The following ROBO2 variants were observed in gnomAD, a reference collection of about 807,000 sequenced individuals.
The protein encoded by ROBO2 is roundabout homolog 2.
In ROBO2, 53 loss-of-function variants were observed where a neutral mutation model predicts 160.8. The observed-to-expected ratio is 0.33, with a 90% CI of 0.26 to 0.41. The LOEUF (loss-of-function observed/expected upper bound fraction) is 0.41, where lower values mean the gene tolerates loss of function less well. Ranked by LOEUF, ROBO2 falls within the 10% of genes least tolerant of loss-of-function variation. The pLI, the probability that ROBO2 is intolerant of heterozygous loss-of-function variation, is 1.00. For synonymous variants in ROBO2, 664 were observed against 611.7 expected, an observed-to-expected ratio of 1.09 and a Z score of -1.26; for missense variants, 1,577 against 1,722.4, an observed-to-expected ratio of 0.92 and a Z score of 1.49.
At chr3:77,400,127 A>T (rs1307501209) in intron 2 of ROBO2, among the ~76,000 whole-genome samples, 1 of 152,168 alleles carries the variant, frequency 6.6e-6, no homozygotes, top group East Asian at 1.9e-4. Flanking sequence ...TAGAATTGTC[A>T]CTGATTAACC....
intron 2 of ROBO2, among the ~76,000 whole-genome samples, chr3:76,431,692 T>A (rs570159315): frequency 1.3e-5 from 2 of 152,252 alleles, no homozygotes; most frequent in African/African-American, 4.8e-5. Flanking sequence ...AAATGAGTAT[T>A]TCGTGACACC....
At chr3:76,860,298 C>G (rs553451392) in intron 2 of ROBO2, among the ~76,000 whole-genome samples, 35 of 152,128 alleles carry the variant, frequency 2.3e-4, no homozygotes, top group Non-Finnish European at 4.7e-4. Flanking sequence ...CAATGGCCTT[C>G]TAATTTCAAA....
At chr3:76,767,733 CAT>C (rs1280856930) in intron 2 of ROBO2, among the ~76,000 whole-genome samples, 1 of 151,416 alleles carries the variant, frequency 6.6e-6, no homozygotes, top group Non-Finnish European at 1.5e-5. Flanking sequence ...ATCACATTGA[CAT>C]ATTGTATAGT....
At chr3:76,078,010 C>T (rs1033686289) in intron 2 of ROBO2, among the ~76,000 whole-genome samples, 2 of 152,162 alleles carry the variant, frequency 1.3e-5, no homozygotes, top group Admixed American at 6.5e-5. Flanking sequence ...CCCTGCTTTC[C>T]ACTCCCTCTC....
chr3:76,816,979 C>A (rs1200851103), intron 2 of ROBO2, among the ~76,000 whole-genome samples: 1 of 151,988 alleles, frequency 6.6e-6, no homozygotes, highest in Non-Finnish European at 1.5e-5. Flanking sequence ...GAACAGAAAA[C>A]CAAACGCCGC....
intron 2 of ROBO2, among the ~76,000 whole-genome samples, chr3:77,292,283 C>G (rs2061390034): frequency 6.6e-6 from 1 of 150,496 alleles, no homozygotes; most frequent in Non-Finnish European, 1.5e-5. Context: ...GGCTAGATCA[C>G]CCAGACATAA....
At chr3:76,934,519 G>T (rs1559726683) in intron 2 of ROBO2, among the ~76,000 whole-genome samples, 1 of 151,788 alleles carries the variant, frequency 6.6e-6, no homozygotes, top group Non-Finnish European at 1.5e-5. Flanking sequence ...GAGAGGGCCG[G>T]ATCACGAGGT....
At chr3:77,060,001 C>T (rs1296373098) in intron 1 of ROBO2, among the ~76,000 whole-genome samples, 2 of 152,098 alleles carry the variant, frequency 1.3e-5, no homozygotes, top group East Asian at 3.9e-4. Flanking sequence ...TGCTCCTCAG[C>T]CAAGGTCATC....
intron 2 of ROBO2, among the ~76,000 whole-genome samples, chr3:76,798,322 C>T (rs190311001): frequency 8.1e-5 from 9 of 111,496 alleles, no homozygotes; most frequent in East Asian, 2.9e-4. Context: ...GAAAAAAGAA[C>T]GAATGAACTA....
At chr3:77,413,233 TG>T (rs2076945503) in intron 2 of ROBO2, among the ~76,000 whole-genome samples, 1 of 151,572 alleles carries the variant, frequency 6.6e-6, no homozygotes, top group African/African-American at 2.4e-5. Context: ...CTCTAAGGTT[TG>T]GGGGTAAAAA....
intron 2 of ROBO2, among the ~76,000 whole-genome samples, chr3:76,702,252 T>C (rs192241303): frequency 2.0e-5 from 3 of 152,174 alleles, no homozygotes; most frequent in Admixed American, 6.6e-5. Flanking sequence ...CAGAAGCCAG[T>C]TATGTTTGGA....
chr3:77,104,510 A>G (rs1458193339), intron 2 of ROBO2, among the ~76,000 whole-genome samples: 3 of 152,136 alleles, frequency 2.0e-5, no homozygotes, highest in East Asian at 3.9e-4. Context: ...TTTTTCTGCT[A>G]TGAACAATGT....
intron 2 of ROBO2, among the ~76,000 whole-genome samples, chr3:77,376,541 A>G (rs1231610319): frequency 2.0e-5 from 3 of 152,128 alleles, no homozygotes; most frequent in African/African-American, 7.2e-5. Flanking sequence ...ACAAGGTATC[A>G]TTGAAGAAGT....
intron 2 of ROBO2, among the ~76,000 whole-genome samples, chr3:76,033,293 T>TACAC (rs34043265): frequency 1.6e-4 from 24 of 149,616 alleles, no homozygotes; most frequent in East Asian, 9.8e-4. Context: ...CTGTGACACA[T>TACAC]ACACACACAC....
intron 2 of ROBO2, among the ~76,000 whole-genome samples, chr3:77,289,846 A>G (rs2060959561): frequency 6.6e-6 from 1 of 152,030 alleles, no homozygotes; most frequent in Non-Finnish European, 1.5e-5. Context: ...AGCTGAGGCT[A>G]GGTCACCAAA....
chr3:77,180,457 A>G (rs1235558519), intron 2 of ROBO2, among the ~76,000 whole-genome samples: 1 of 98,592 alleles, frequency 1.0e-5, no homozygotes, highest in Non-Finnish European at 2.2e-5. Flanking sequence ...TTTTTTTGAG[A>G]CAGAGTCTCA....
intron 2 of ROBO2, among the ~76,000 whole-genome samples, chr3:76,781,007 T>G (rs2062607963): frequency 6.6e-6 from 1 of 150,836 alleles, no homozygotes; most frequent in South Asian, 2.1e-4. Context: ...CTTTAGGTAT[T>G]ATGAACATTT....
intron 2 of ROBO2, among the ~76,000 whole-genome samples, chr3:77,124,265 G>A (rs985514934): frequency 4.6e-5 from 7 of 152,098 alleles, no homozygotes; most frequent in African/African-American, 1.7e-4. Flanking sequence ...GATGTCTTTT[G>A]AATGGAACAA....
intron 2 of ROBO2, among the ~76,000 whole-genome samples, chr3:76,615,259 G>A (rs1315446940): frequency 6.6e-6 from 1 of 152,028 alleles, no homozygotes; most frequent in African/African-American, 2.4e-5. Flanking sequence ...AAAATCAGTT[G>A]TATTGTTTGC....
Sources: gnomAD v4.1 joint callset for allele counts (sites outside exome capture counted in the v4.1 genomes callset) on GRCh38, gnomAD v4.1.1 for gene constraint, MANE v1.5 for transcripts, NCBI Gene and HGNC (gene_info 2026-07-23, HGNC 2026-07-21) for gene names.